The following ANKRD44 variants were observed in gnomAD, a reference collection of about 807,000 sequenced individuals.
ANKRD44 encodes the protein ankyrin repeat domain 44, also known as serine/threonine-protein phosphatase 6 regulatory ankyrin repeat subunit B.
A neutral mutation model predicts 116.0 loss-of-function variants in ANKRD44; 35 were observed. That is an observed-to-expected ratio of 0.30 (90% confidence interval 0.23 to 0.40). The LOEUF is 0.40. ANKRD44 is among the 10% of genes least tolerant of loss of function. ANKRD44 has a pLI of 1.00. For missense variants in ANKRD44, 1,014 were observed against 1,242.6 expected (o/e 0.82, Z 2.77); for synonymous variants, 435 against 461.8 (o/e 0.94, Z 0.74).
At chr2:197,112,986 G>GA (rs58832539) in intron 8 of ANKRD44, among the ~76,000 whole-genome samples, 17 of 149,656 alleles carry the variant, frequency 1.1e-4, no homozygotes, top group African/African-American at 3.4e-4. Flanking sequence ...CATCTTAATT[G>GA]AAAAAAAAAA....
intron 4 of ANKRD44, 147 bp from the exon 5 acceptor site, chr2:197,126,184 G>A (rs1179923465): frequency 1.4e-6 from 1 of 705,524 alleles, no homozygotes; most frequent in Non-Finnish European, 2.4e-6. Flanking sequence ...GGTAATATTT[G>A]GTAAAGATCA....
intron 1 of ANKRD44, 67 bp from the exon 2 acceptor site, chr2:197,187,173 G>A: frequency 6.9e-7 from 1 of 1,456,458 alleles, no homozygotes; most frequent in Non-Finnish European, 9.6e-7. Flanking sequence ...AGATGCAGAT[G>A]GTGAGAAGAT....
chr2:197,272,302 G>A (rs1005453459), intron 1 of ANKRD44, among the ~76,000 whole-genome samples: 1 of 152,080 alleles, frequency 6.6e-6, no homozygotes, highest in African/African-American at 2.4e-5. Context: ...GCAGTGACAC[G>A]ATCTCAGCTC....
intron 2 of ANKRD44, among the ~76,000 whole-genome samples, chr2:197,177,087 T>G (rs1030050867): frequency 2.6e-5 from 4 of 152,212 alleles, no homozygotes; most frequent in African/African-American, 9.6e-5. Flanking sequence ...TCCTTTTCAT[T>G]TAAACATGTC....
At position 197,049,658 on chromosome 2, in the gene ANKRD44, T is replaced by A. The variant is rs545177894; in HGVS notation, c.1651-24391A>T. ...ATCTCTACTGTATGATTTTTTTTTTTAATTTTAGAAACAGGGTCTTGATAT... is the reference window on the plus strand; with the variant it reads ...ATCTCTACTGTATGATTTTTTTTTTAAATTTTAGAAACAGGGTCTTGATAT... On this transcript the variant is annotated intron_variant, in intron 16 of 27. Coordinates refer to ENST00000282272, the MANE Select transcript of ANKRD44 (RefSeq NM_001195144.2). 3.0e-3 allele frequency among the ~76,000 whole-genome samples: 456 copies of A among 152,162 alleles called. 1 individual carries two copies. The highest frequency in any genetic ancestry group is 5.2e-3 in the South Asian group (25 of 4,810).
intron 16 of ANKRD44, among the ~76,000 whole-genome samples, chr2:197,074,012 A>C (rs1315373716): frequency 6.6e-6 from 1 of 152,230 alleles, no homozygotes; most frequent in Non-Finnish European, 1.5e-5. Flanking sequence ...TATCATAAAA[A>C]ATTGTCTATT....
chr2:197,232,195 C>T (rs902513138), intron 1 of ANKRD44, among the ~76,000 whole-genome samples: 2 of 152,192 alleles, frequency 1.3e-5, no homozygotes, highest in Non-Finnish European at 2.9e-5. Flanking sequence ...AGTAAGTGAG[C>T]TGATCACAAA....
intron 2 of ANKRD44, among the ~76,000 whole-genome samples, chr2:197,154,727 T>A (rs2079764127): frequency 2.0e-5 from 3 of 152,180 alleles, no homozygotes; most frequent in Admixed American, 2.0e-4. Flanking sequence ...AAAATTTAGA[T>A]TTACAGTCCT....
In ANKRD44 at chr2:197,274,004, T is replaced by A. The variant is rs868484751; in HGVS notation, c.27+36574A>T. The stretch of plus-strand genomic sequence containing the variant: ...AAATATATATATATATATATATATA[T>A]ATATATATATATATATATATATATG... On this transcript the variant is annotated intron_variant, in intron 1 of 27. Coordinates refer to ENST00000282272, the MANE Select transcript of ANKRD44 (RefSeq NM_001195144.2). Among the ~76,000 whole-genome samples, 244 of 76,102 alleles carry A rather than the reference T, an allele frequency of 3.2e-3. 23 individuals carry two copies. The highest frequency in any genetic ancestry group is 0.012 in the African/African-American group (179 of 15,268). 49.9% of individuals were successfully genotyped at this position (76,102 alleles called of 152,430 possible).
At chr2:197,040,376 C>CTTTTTT (rs56405646) in intron 16 of ANKRD44, among the ~76,000 whole-genome samples, 2 of 122,694 alleles carry the variant, frequency 1.6e-5, no homozygotes, top group South Asian at 2.5e-4. Context: ...GGAGGTAAGC[C>CTTTTTT]TTTTTTTTTT....
downstream of ANKRD44, among the ~76,000 whole-genome samples, chr2:196,985,136 A>T (rs78934236): frequency 1.8e-3 from 278 of 152,338 alleles, 3 homozygotes; most frequent in East Asian, 0.037. Context: ...GGCAGCCAAC[A>T]GCCATCAAGG....
chr2:197,020,679 A>G (rs2076478878), intron 17 of ANKRD44, among the ~76,000 whole-genome samples: 1 of 152,242 alleles, frequency 6.6e-6, no homozygotes, highest in Admixed American at 6.5e-5. Context: ...CCTGAATTTT[A>G]CTATGCATAA....
chr2:197,197,629 G>A (rs1398700327), intron 1 of ANKRD44, among the ~76,000 whole-genome samples: 2 of 151,974 alleles, frequency 1.3e-5, no homozygotes, highest in African/African-American at 2.4e-5. Context: ...TAGACACATG[G>A]TGAAACCACA....
chr2:197,239,475 C>T (rs531369503), intron 1 of ANKRD44, among the ~76,000 whole-genome samples: 2 of 152,248 alleles, frequency 1.3e-5, no homozygotes, highest in African/African-American at 4.8e-5. Context: ...AGCCATCTGC[C>T]CACTTTGGCC....
chr2:196,980,295 A>G (rs949257159), intron 21 of ANKRD44, among the ~76,000 whole-genome samples: 8 of 152,352 alleles, frequency 5.3e-5, no homozygotes, highest in Middle Eastern at 6.8e-3. Context: ...ATAAATTACC[A>G]GGTAACATTC....
At chr2:197,308,977 ATC>A (rs2084158549) in intron 1 of ANKRD44, among the ~76,000 whole-genome samples, 1 of 152,212 alleles carries the variant, frequency 6.6e-6, no homozygotes. Flanking sequence ...ACTTCTCCAG[ATC>A]TGTTTTGTCA....
chr2:197,109,959 G>A (rs1316834844), intron 9 of ANKRD44, among the ~76,000 whole-genome samples: 2 of 147,760 alleles, frequency 1.4e-5, no homozygotes, highest in Non-Finnish European at 3.0e-5. Context: ...ACTTTCCCAG[G>A]TCTTCTCTGT....
intron 16 of ANKRD44, among the ~76,000 whole-genome samples, chr2:197,072,040 GAGGAAAGA>G (rs1190331966): frequency 5.8e-4 from 77 of 132,558 alleles, no homozygotes; most frequent in African/African-American, 1.7e-3. Flanking sequence ...GGGATGGAGG[GAGGAAAGA>G]AGGAAGGAAG....
intron 1 of ANKRD44, among the ~76,000 whole-genome samples, chr2:197,270,750 G>A (rs1313279267): frequency 1.3e-5 from 2 of 152,164 alleles, no homozygotes; most frequent in Non-Finnish European, 2.9e-5. Context: ...TAACAAACAG[G>A]AGCCAATATG....
Sources: allele counts gnomAD v4.1 joint callset (sites outside exome capture counted in the v4.1 genomes callset), GRCh38; gene constraint gnomAD v4.1.1; transcripts MANE v1.5; gene names NCBI Gene and HGNC (gene_info 2026-07-23, HGNC 2026-07-21).